Variants in ROBO2 observed in about 807,000 individuals in gnomAD.
ROBO2 encodes roundabout guidance receptor 2.
ROBO2 carries 53 observed loss-of-function variants against 160.8 expected under a neutral mutation model. That is an observed-to-expected ratio of 0.33 (90% CI 0.26 to 0.41). The LOEUF is 0.41. ROBO2 is among the 10% of genes least tolerant of loss of function. The probability of loss-of-function intolerance (pLI) is 1.00; values close to 1 mark genes in which losing one functional copy is unlikely to be tolerated. For missense variants in ROBO2, 1,577 were observed against 1,722.4 expected (o/e 0.92, Z 1.49); for synonymous variants, 664 against 611.7 (o/e 1.09, Z -1.26).
intron 1 of ROBO2, among the ~76,000 whole-genome samples, chr3:77,063,972 A>G (rs1315623781): frequency 1.3e-5 from 2 of 152,216 alleles, no homozygotes; most frequent in African/African-American, 4.8e-5. Context: ...CATAATAAAC[A>G]CTTTGCATTG....
At position 77,137,425 on chromosome 3, in the gene ROBO2, C is replaced by T. The variant is rs1178458745; in HGVS notation, c.388+39085C>T. Among the ~76,000 whole-genome samples, 4 of 151,862 alleles carry T rather than the reference C, an allele frequency of 2.6e-5. No homozygotes were observed. In the East Asian group the frequency reaches 7.9e-4, roughly 30 times the overall value. On this transcript the variant is annotated intron_variant, in intron 2 of 25. Coordinates refer to ENST00000461745, the Ensembl canonical transcript of ROBO2. Reference sequence around the variant, plus strand: ...ATTTCTAGTAGAGACGGGGTGTCTCCGTGTTGGTCAGGCTGGTCTCGAACT... The same window carrying T: ...ATTTCTAGTAGAGACGGGGTGTCTCTGTGTTGGTCAGGCTGGTCTCGAACT...
At chr3:76,775,654 C>A (rs909384981) in intron 2 of ROBO2, among the ~76,000 whole-genome samples, 13 of 150,504 alleles carry the variant, frequency 8.6e-5, no homozygotes, top group Non-Finnish European at 1.5e-5. Flanking sequence ...TTAATTCTGT[C>A]CATAGCATTA....
chr3:76,561,632 A>G (rs1392415950), intron 2 of ROBO2, among the ~76,000 whole-genome samples: 1 of 152,210 alleles, frequency 6.6e-6, no homozygotes, highest in Non-Finnish European at 1.5e-5. Flanking sequence ...AGCAAGTGGT[A>G]GGCACAGGAA....
intron 2 of ROBO2, among the ~76,000 whole-genome samples, chr3:77,371,697 A>G (rs546776776): frequency 6.6e-6 from 1 of 152,212 alleles, no homozygotes; most frequent in African/African-American, 2.4e-5. Flanking sequence ...CTATAGCTAC[A>G]TAACACTTTA....
intron 2 of ROBO2, among the ~76,000 whole-genome samples, chr3:76,845,100 A>G (rs570264245): frequency 4.3e-4 from 66 of 152,088 alleles, no homozygotes; most frequent in Non-Finnish European, 6.8e-4. Context: ...ACTAGAATCT[A>G]ATAACCTTGG....
chr3:77,489,143 A>G (rs2085749688), intron 4 of ROBO2, among the ~76,000 whole-genome samples: 1 of 152,188 alleles, frequency 6.6e-6, no homozygotes, highest in Non-Finnish European at 1.5e-5. Context: ...GGAATTTCCC[A>G]TGTCACATGT....
At chr3:76,023,722 A>C (rs2066645801) in intron 2 of ROBO2, among the ~76,000 whole-genome samples, 1 of 151,662 alleles carries the variant, frequency 6.6e-6, no homozygotes, top group South Asian at 2.1e-4. Context: ...AATCTGAAAT[A>C]TTGTGAGAAT....
intron 1 of ROBO2, among the ~76,000 whole-genome samples, chr3:75,920,571 T>A (rs1946993391): frequency 6.6e-6 from 1 of 152,086 alleles, no homozygotes; most frequent in African/African-American, 2.4e-5. Flanking sequence ...TGAGTTCAAG[T>A]CTGAATATCC....
intron 2 of ROBO2, among the ~76,000 whole-genome samples, chr3:77,234,018 T>C (rs1356285898): frequency 6.6e-6 from 1 of 152,228 alleles, no homozygotes; most frequent in South Asian, 2.1e-4. Flanking sequence ...ATTTCCTAGC[T>C]GAATTAGTTC....
chr3:76,019,054 A>G (rs2066487570), intron 2 of ROBO2, among the ~76,000 whole-genome samples: 1 of 151,674 alleles, frequency 6.6e-6, no homozygotes, highest in Non-Finnish European at 1.5e-5. Context: ...GAACTGGCTA[A>G]TATTTGCATT....
chr3:76,625,558 A>C (rs991985504), intron 2 of ROBO2, among the ~76,000 whole-genome samples: 5 of 152,190 alleles, frequency 3.3e-5, no homozygotes, highest in Non-Finnish European at 5.9e-5. Flanking sequence ...TGGAAAATGC[A>C]AGAAGAGGGA....
intron 2 of ROBO2, among the ~76,000 whole-genome samples, chr3:77,113,749 G>GA (rs2073922546): frequency 6.6e-6 from 1 of 152,268 alleles, no homozygotes; most frequent in Admixed American, 6.5e-5. Context: ...CTATGCATAA[G>GA]AAAATCTCCC....
chr3:77,060,152 G>A (rs1421326002), intron 1 of ROBO2, among the ~76,000 whole-genome samples: 1 of 152,156 alleles, frequency 6.6e-6, no homozygotes, highest in Non-Finnish European at 1.5e-5. Context: ...ATGTTTTCCT[G>A]GTTTGCAGTT....
At chr3:77,353,242 T>C (rs755646997) in intron 2 of ROBO2, among the ~76,000 whole-genome samples, 17 of 152,182 alleles carry the variant, frequency 1.1e-4, no homozygotes, top group Admixed American at 2.0e-4. Flanking sequence ...ATTTCTGCGA[T>C]GTGGGCCACC....
intron 2 of ROBO2, among the ~76,000 whole-genome samples, chr3:77,418,601 T>C (rs1245386574): frequency 1.3e-5 from 2 of 152,098 alleles, no homozygotes; most frequent in African/African-American, 4.8e-5. Context: ...AAGAAAAGTA[T>C]TGTGATTCAT....
At chr3:76,908,273 T>C (rs2075751328) in intron 2 of ROBO2, among the ~76,000 whole-genome samples, 2 of 152,224 alleles carry the variant, frequency 1.3e-5, no homozygotes, top group Non-Finnish European at 2.9e-5. Context: ...GGATGAAGTT[T>C]AGTATTTATG....
At chr3:76,314,376 A>C (rs902166703) in intron 2 of ROBO2, among the ~76,000 whole-genome samples, 1 of 152,180 alleles carries the variant, frequency 6.6e-6, no homozygotes, top group Admixed American at 6.5e-5. Flanking sequence ...GCATAACTCT[A>C]CAGAAAAGTT....
intron 1 of ROBO2, among the ~76,000 whole-genome samples, chr3:75,916,606 C>T (rs2106785345): frequency 6.6e-6 from 1 of 151,904 alleles, no homozygotes; most frequent in South Asian, 2.1e-4. Context: ...AAGTGTGTGC[C>T]TACACACGTA....
chr3:77,565,075 G>A, exon 12 of ROBO2: 3 of 1,613,658 alleles, frequency 1.9e-6, no homozygotes, highest in Non-Finnish European at 2.5e-6. Context: ...CAACCCCCAA[G>A]GTCTCAGTGA....
Sources: allele counts gnomAD v4.1 joint callset (sites outside exome capture counted in the v4.1 genomes callset), GRCh38; gene constraint gnomAD v4.1.1; transcripts MANE v1.5; gene names NCBI Gene and HGNC (gene_info 2026-07-23, HGNC 2026-07-21).